C19orf44: variants seen among roughly 807,000 people sequenced by gnomAD.
C19orf44 encodes the protein chromosome 19 open reading frame 44.
A neutral mutation model predicts 50.7 loss-of-function variants in C19orf44; 43 were observed. That is an observed-to-expected ratio of 0.85 (90% CI 0.66 to 1.09). The LOEUF is 1.09. C19orf44 is among the 50% of genes least tolerant of loss of function. The pLI, the probability that C19orf44 is intolerant of heterozygous loss-of-function variation, is 0.00. For missense variants in C19orf44, 722 were observed against 836.2 expected, an observed-to-expected ratio of 0.86 and a Z score of 1.68; for synonymous variants, 298 against 334.7, an observed-to-expected ratio of 0.89 and a Z score of 1.20.
chr19:16,502,991 AAAAAAAACAAAAAAC>A (rs1172230232), intron 2 of C19orf44, 59 bp from the exon 3 acceptor site: 80 of 1,449,742 alleles, frequency 5.5e-5, no homozygotes, highest in Non-Finnish European at 6.5e-5. Context: ...TTTCTCAAAA[AAAAAAAACAAAAAAC>A]AAAAAAACAA....
Position 16,509,587 on chromosome 19 carries a change from C to G in C19orf44, c.1238C>G (p.Ala413Gly). 6.2e-7 allele frequency: 1 copy of G among 1,613,928 alleles called. No individual in the cohort carries two copies. Among genetic ancestry groups the G allele is most frequent in the Non-Finnish European group, 8.5e-7 (1 of 1,179,870 alleles). Reference sequence around the variant, plus strand: ...CAGGATGCCCCGAGGCAGGCCCAGGCGAGGAGCTGGGCATCACAGGGAAAG... The same window carrying G: ...CAGGATGCCCCGAGGCAGGCCCAGGGGAGGAGCTGGGCATCACAGGGAAAG... ...TGQDAPRQAQ[A>G]RSWASQGKAA... Residue 413 changes from alanine to glycine, a missense_variant, in exon 5 of 9, where the codon GCG (alanine) becomes GGG (glycine). By Grantham distance (60) the Ala-to-Gly change is moderately conservative. Transcript: ENST00000221671.
At chr19:16,516,557 C>T (rs776624476) in intron 7 of C19orf44, among the ~76,000 whole-genome samples, 2 of 152,166 alleles carry the variant, frequency 1.3e-5, no homozygotes, top group South Asian at 4.1e-4. Flanking sequence ...CCATACTATC[C>T]GATATGTCCT....
At position 16,519,094 on chromosome 19, in the gene C19orf44, C is replaced by A. The variant is rs1183746892; in HGVS notation, c.*41-1000C>A. ...AGCTGTCACTGCAATCTTCCTCTGC[C>A]AGTCAGCCAGGAAGGTCCCACAGCC... On this transcript the variant is annotated intron_variant, in intron 8 of 8. Transcript: ENST00000221671. The surrounding 1 kb of genome is among the most constrained non-coding windows in gnomAD (Gnocchi z 6.0). 1.4e-6 allele frequency: 2 copies of A among 1,422,942 alleles called. No homozygotes were observed. Among genetic ancestry groups the A allele is most frequent in the Non-Finnish European group, 1.9e-6 (2 of 1,035,244 alleles). 88.1% of individuals were successfully genotyped at this position (1,422,942 alleles called of 1,614,324 possible).
rs141709012 is a variant in C19orf44 at position 16,516,143 on chromosome 19, G to A, written c.1903-1087G>A. 2.6e-3 allele frequency among the ~76,000 whole-genome samples: 391 copies of A among 152,210 alleles called. 5 individuals are homozygous for A. The highest frequency in any genetic ancestry group is 0.01 in the East Asian group (54 of 5,152). On this transcript the variant is annotated intron_variant, in intron 7 of 8. Transcript: ENST00000221671. ...ATTTTTCAGTGTTTATTTCTAAAAA[G>A]TGATGTTAAAGCCAGGTGTGGTGGT... is the stretch of plus-strand genomic sequence containing the variant.
intron 5 of C19orf44, among the ~76,000 whole-genome samples, chr19:16,511,450 G>A (rs1050327467): frequency 3.9e-5 from 6 of 152,064 alleles, no homozygotes; most frequent in African/African-American, 1.4e-4. Flanking sequence ...GGCCCCCCAA[G>A]GTGCTGGGAC....
At position 16,506,757 on chromosome 19, in the gene C19orf44, T is replaced by C; in HGVS notation, c.1132T>C (p.Ser378Pro). ...TCTGGCTCCAGCTGTCAGTGAGAAC[T>C]CCGATTTGGAACAGGAAGTAAGTAC... ...DGLAPAVSEN[S>P]DLEQEEESAQ... The change falls in exon 4 of 9, where the codon TCC becomes CCC. Residue 378 changes from serine (S) to proline (P), a missense_variant. Transcript: ENST00000221671. 6.2e-7 allele frequency: 1 copy of C among 1,604,992 alleles called. No homozygotes were observed. The highest frequency in any genetic ancestry group is 8.5e-7 in the Non-Finnish European group (1 of 1,175,354).
chr19:16,503,496 A>C, intron 3 of C19orf44, 116 bp downstream of exon 3: 2 of 1,044,634 alleles, frequency 1.9e-6, no homozygotes, highest in Non-Finnish European at 2.7e-6. Flanking sequence ...TTTGAGTCGC[A>C]TCTCACACTC....
chr19:16,500,704 A>C (rs902912535), intron 1 of C19orf44, 88 bp from the exon 2 acceptor site: 7 of 1,312,402 alleles, frequency 5.3e-6, no homozygotes, highest in Non-Finnish European at 7.3e-6. Flanking sequence ...TGCAAAAGAC[A>C]GTGTGAGCTT....
rs1386854243 is a variant in C19orf44 at position 16,520,969 on chromosome 19, T to C, written c.*916T>C. On this transcript the variant is annotated 3_prime_UTR_variant, in exon 9 of 9. Coordinates refer to ENST00000221671, the MANE Select transcript of C19orf44 (RefSeq NM_032207.4). This position sits in a 1 kb window ranked among gnomAD's most constrained non-coding sequence, Gnocchi z 4.0. The stretch of plus-strand genomic sequence containing the variant: ...GTGACACCCACCCACAAGGAAGTCG[T>C]GAAAAAGTCATCAGGAGTTAATCCA... 2.1e-6 allele frequency: 3 copies of C among 1,460,728 alleles called. No homozygotes were observed. The highest frequency in any genetic ancestry group is 3.3e-5 in the Admixed American group (2 of 59,774). 90.5% of individuals were successfully genotyped at this position (1,460,728 alleles called of 1,614,324 possible).
chr19:16,501,981 C>T (rs2093426867), intron 2 of C19orf44, among the ~76,000 whole-genome samples: 1 of 150,636 alleles, frequency 6.6e-6, no homozygotes, highest in African/African-American at 2.5e-5. Flanking sequence ...GTGATCTCAG[C>T]TCACCGCAAC....
intron 2 of C19orf44, among the ~76,000 whole-genome samples, chr19:16,502,300 T>G (rs10422229): frequency 0.34 from 49,555 of 145,462 alleles, 9,416 homozygotes; most frequent in African/African-American, 0.51. Context: ...TGCAGTGGCC[T>G]GATCTCGGCT....
Position 16,508,026 on chromosome 19 carries a change from C to T in C19orf44, c.1149+1252C>T, listed in dbSNP as rs575634095. On this transcript the variant is annotated intron_variant, in intron 4 of 8. Coordinates refer to ENST00000221671, the MANE Select transcript of C19orf44 (RefSeq NM_032207.4). ...TTCACCGTGTTAGCCAGGATAGTCT[C>T]GATCTCCTGACCTCGTGATCCGCCC... is the stretch of plus-strand genomic sequence containing the variant. Among the ~76,000 whole-genome samples the T allele has an allele frequency of 6.5e-4, 99 of 151,370 alleles. 1 individual carries two copies. The highest frequency in any genetic ancestry group is 2.3e-3 in the African/African-American group (96 of 41,200).
intron 3 of C19orf44, 97 bp from the exon 4 acceptor site, chr19:16,506,602 AAG>A: frequency 3.6e-6 from 3 of 840,858 alleles, no homozygotes; most frequent in South Asian, 2.0e-5. Flanking sequence ...CAAAAAAAAA[AAG>A]AAAAGAAAAG....
In C19orf44 at chr19:16,514,621, C is replaced by T. The variant is rs763650806; in HGVS notation, c.1860C>T (p.Asp620=). 67 of 1,592,426 alleles carry T rather than the reference C, an allele frequency of 4.2e-5. No individual in the cohort carries two copies. In the Middle Eastern group the frequency reaches 4.9e-4, roughly 12 times the overall value. The change falls in exon 7 of 9, where the codon GAC becomes GAT. Residue 620 remains aspartate, a synonymous_variant. Coordinates refer to ENST00000221671, the MANE Select transcript of C19orf44 (RefSeq NM_032207.4). ...HLHASLLRSL[D]ADSFHYHTLE... is the part of the protein sequence containing the mutation. ...ACGCCTCCCTCCTGCGCTCCCTGGA[C>T]GCGGACTCCTTCCACTACCACACCC...
At chr19:16,502,236 CTTTT>C (rs56319712) in intron 2 of C19orf44, among the ~76,000 whole-genome samples, 8 of 106,694 alleles carry the variant, frequency 7.5e-5, no homozygotes, top group Non-Finnish European at 8.9e-5. Flanking sequence ...TCTTTCTTTC[CTTTT>C]TTTTTTTTTT....
At chr19:16,516,864 GT>G (rs1425193346) in intron 7 of C19orf44, among the ~76,000 whole-genome samples, 5 of 152,234 alleles carry the variant, frequency 3.3e-5, no homozygotes, top group Admixed American at 6.5e-5. Context: ...TCATGCCTCT[GT>G]TGGGCGTCCA....
chr19:16,508,455 G>A (rs1009709269), intron 4 of C19orf44, among the ~76,000 whole-genome samples: 5 of 151,900 alleles, frequency 3.3e-5, no homozygotes, highest in African/African-American at 1.2e-4. Context: ...GCAGTTGGGG[G>A]ATCATGGCTC....
Position 16,521,246 on chromosome 19 carries a change from G to A in C19orf44, c.*1193G>A. Reference sequence around the variant, plus strand: ...AGGAAGGAGGGGTGACCACTGGGAAGGGTGGGCTGAGGGCCCTGTGGCAGC... The same window carrying A: ...AGGAAGGAGGGGTGACCACTGGGAAAGGTGGGCTGAGGGCCCTGTGGCAGC... On this transcript the variant is annotated 3_prime_UTR_variant, in exon 9 of 9. Coordinates refer to ENST00000221671, the MANE Select transcript of C19orf44 (RefSeq NM_032207.4). The A allele has an allele frequency of 1.8e-6, 1 of 570,176 alleles. No individual in the cohort carries two copies. The highest frequency in any genetic ancestry group is 2.2e-5 in the South Asian group (1 of 45,128). The allele number at this position is 570,176 out of a possible 1,614,324, so 35.3% of individuals were successfully genotyped here. A position where few individuals can be genotyped will look rare whatever the true frequency, so the allele number is the denominator to read the frequency against.
At chr19:16,517,448 G>A (rs1033047635) in intron 8 of C19orf44, 107 bp downstream of exon 8, 1 of 719,376 alleles carries the variant, frequency 1.4e-6, no homozygotes, top group South Asian at 1.7e-5. Flanking sequence ...TGGGGTGATG[G>A]ACACACACAC....
Sources: allele counts gnomAD v4.1 joint callset (sites outside exome capture counted in the v4.1 genomes callset), GRCh38; gene constraint gnomAD v4.1.1; non-coding constraint Gnocchi (gnomAD v3.1); transcripts MANE v1.5; gene names NCBI Gene and HGNC (gene_info 2026-07-23, HGNC 2026-07-21).